The following DENND5A variants were observed in gnomAD, a reference collection of about 807,000 sequenced individuals.
DENND5A encodes the protein DENN domain containing 5A, also known as DENN domain-containing protein 5A.
In DENND5A, 64 loss-of-function variants were observed where a neutral mutation model predicts 140.3. The ratio of observed to expected loss-of-function variants is 0.46; its 90% CI spans 0.37 to 0.56. The LOEUF is 0.56. Ranked by LOEUF, DENND5A falls within the 20% of genes least tolerant of loss-of-function variation. DENND5A has a pLI of 0.00. For missense variants in DENND5A, 1,292 were observed against 1,593.8 expected, an observed-to-expected ratio of 0.81 and a Z score of 3.22; for synonymous variants, 605 against 607.7, an observed-to-expected ratio of 1.00 and a Z score of 0.07.
rs1554922659 is a variant in DENND5A, at chr11:9,193,655, C to A, written c.976G>T (p.Glu326Ter). 6.2e-7 allele frequency: 1 copy of A among 1,613,322 alleles called. No homozygotes were observed. The highest frequency in any genetic ancestry group is 8.5e-7 in the Non-Finnish European group (1 of 1,179,676). Reference sequence around the variant, plus strand: ...GGAAACATGAGAGCTGTAATCGTCTCCGCCACAGTCATCAGTCTCTGGTAA... The same window carrying A: ...GGAAACATGAGAGCTGTAATCGTCTACGCCACAGTCATCAGTCTCTGGTAA... ...QHYQRLMTVA[E>*]TITALMFPFQ... Residue 326 changes from glutamate to a stop codon, truncating the protein, a stop_gained, in exon 5 of 23, where the codon GAG (glutamate) becomes TAG (stop). Transcript: ENST00000328194. LOFTEE classifies it high-confidence loss of function.
At position 9,158,516 on chromosome 11, in the gene DENND5A, C is replaced by A. The variant is rs142860716; in HGVS notation, c.2436+2197G>T. Among the ~76,000 whole-genome samples, 404 of 152,050 alleles carry A rather than the reference C, an allele frequency of 2.7e-3. 2 individuals are homozygous for A. The highest frequency in any genetic ancestry group is 8.8e-3 in the African/African-American group (364 of 41,466). ...TGAGCAGAGATCATGCTAGTGCACTCCAGCCTGGGCAACAAAGCAAGATGC... is the reference window on the plus strand; with the variant it reads ...TGAGCAGAGATCATGCTAGTGCACTACAGCCTGGGCAACAAAGCAAGATGC... On this transcript the variant is annotated intron_variant, in intron 12 of 22. Transcript: ENST00000328194.
At chr11:9,212,580 C>T (rs1024135174) in intron 1 of DENND5A, among the ~76,000 whole-genome samples, 12 of 152,074 alleles carry the variant, frequency 7.9e-5, no homozygotes, top group African/African-American at 2.7e-4. Context: ...ATTACTACTG[C>T]CTTCTCATCA....
At chr11:9,167,999 A>G (rs1220056201) in intron 10 of DENND5A, among the ~76,000 whole-genome samples, 1 of 151,848 alleles carries the variant, frequency 6.6e-6, no homozygotes, top group Non-Finnish European at 1.5e-5. Context: ...TTATCTTTCT[A>G]TCTGATTTTG....
At position 9,139,978 on chromosome 11, in the gene DENND5A, C is replaced by G. The variant is rs545881047; in HGVS notation, c.3681-124G>C. ...GAAGCTGGAGAAGCTGACAGCCCCCCACACCCCCCTTTCCCAAACAGGGAC... is the reference window on the plus strand; with the variant it reads ...GAAGCTGGAGAAGCTGACAGCCCCCGACACCCCCCTTTCCCAAACAGGGAC... On this transcript the variant is annotated intron_variant, in intron 22 of 22. Transcript: ENST00000328194. 5.5e-4 allele frequency: 580 copies of G among 1,062,640 alleles called. 6 individuals carry two copies. The South Asian group carries it at 7.8e-3, about 14-fold the overall frequency. The allele number at this position is 1,062,640 out of a possible 1,614,324, so 65.8% of individuals were successfully genotyped here. A position where few individuals can be genotyped will look rare whatever the true frequency, so the allele number is the denominator to read the frequency against.
intron 1 of DENND5A, among the ~76,000 whole-genome samples, chr11:9,210,552 T>C (rs1019711317): frequency 3.3e-5 from 5 of 152,194 alleles, no homozygotes; most frequent in Admixed American, 6.5e-5. Flanking sequence ...TTTGTTGTTG[T>C]TGTTGTTTTG....
chr11:9,260,030 A>C (rs1377592572), intron 1 of DENND5A, among the ~76,000 whole-genome samples: 1 of 11,886 alleles, frequency 8.4e-5, no homozygotes, highest in African/African-American at 1.9e-4. Context: ...TCCATCTCAA[A>C]AAAAAAAAAA....
intron 14 of DENND5A, among the ~76,000 whole-genome samples, 186 bp from the exon 15 acceptor site, chr11:9,150,395 G>C (rs1425763192): frequency 6.6e-6 from 1 of 152,072 alleles, no homozygotes; most frequent in Non-Finnish European, 1.5e-5. Context: ...ACCATATTTT[G>C]GGAGGAAAAA....
chr11:9,169,172 C>T (rs544573172), intron 10 of DENND5A, among the ~76,000 whole-genome samples: 26 of 152,250 alleles, frequency 1.7e-4, no homozygotes, highest in Non-Finnish European at 3.2e-4. Flanking sequence ...CTGGGCTGGG[C>T]GCAGTAGCTC....
intron 1 of DENND5A, among the ~76,000 whole-genome samples, chr11:9,249,692 C>A (rs192720976): frequency 9.1e-4 from 139 of 152,136 alleles, no homozygotes; most frequent in Non-Finnish European, 1.7e-3. Context: ...GGATTACAGG[C>A]GCCCACCACC....
rs200690022 is a variant in DENND5A, at chr11:9,174,198, C to T, written c.1907-3421G>A. ...AAAAAGAAGAAAAGGGAACAAAGAA[C>T]AGATGGGACAAATAGAAAACAAACA... On this transcript the variant is annotated intron_variant, in intron 8 of 22. Coordinates refer to ENST00000328194, the MANE Select transcript of DENND5A (RefSeq NM_015213.4). 3.0e-5 allele frequency among the ~76,000 whole-genome samples: 4 copies of T among 135,256 alleles called. No individual in the cohort carries two copies. The East Asian group carries it at 8.8e-4, about 30-fold the overall frequency. 88.7% of individuals were successfully genotyped at this position (135,256 alleles called of 152,430 possible). A position where few individuals can be genotyped will look rare whatever the true frequency, so the allele number is the denominator to read the frequency against.
chr11:9,224,292 T>C (rs1850444246), intron 1 of DENND5A, among the ~76,000 whole-genome samples: 1 of 152,166 alleles, frequency 6.6e-6, no homozygotes, highest in Non-Finnish European at 1.5e-5. Flanking sequence ...CTTGGGGGTC[T>C]AGCATGATTC....
intron 20 of DENND5A, 35 bp downstream of exon 20, chr11:9,143,368 T>C: frequency 1.3e-6 from 2 of 1,547,370 alleles, no homozygotes; most frequent in African/African-American, 1.4e-5. Flanking sequence ...TCTTATTCAA[T>C]GTAAGGCCCT....
At chr11:9,225,743 C>A (rs1850504504) in intron 1 of DENND5A, among the ~76,000 whole-genome samples, 1 of 152,174 alleles carries the variant, frequency 6.6e-6, no homozygotes, top group South Asian at 2.1e-4. Flanking sequence ...GCCTGGGCAA[C>A]AGAGCAAGAC....
At chr11:9,201,889 T>C (rs1849536074) in intron 4 of DENND5A, among the ~76,000 whole-genome samples, 1 of 152,144 alleles carries the variant, frequency 6.6e-6, no homozygotes, top group African/African-American at 2.4e-5. Context: ...ACATGTTAAT[T>C]ACCAAGGGAA....
chr11:9,263,951 T>C (rs1038681393), intron 1 of DENND5A, among the ~76,000 whole-genome samples: 1 of 150,816 alleles, frequency 6.6e-6, no homozygotes, highest in African/African-American at 2.4e-5. Context: ...GTCAACAGGA[T>C]AATCACTTTC....
In DENND5A at chr11:9,229,725, A is replaced by C. The variant is rs1024276588; in HGVS notation, c.110-22093T>G. 2.0e-5 allele frequency among the ~76,000 whole-genome samples: 3 copies of C among 151,992 alleles called. No homozygotes were observed. The East Asian group carries it at 5.8e-4, about 29-fold the overall frequency. The stretch of plus-strand genomic sequence containing the variant: ...CTGCACAGAGTCCAAGAAGAATCTG[A>C]ACAGACAGGCCTTGCTGGGTCCCCC... On this transcript the variant is annotated intron_variant, in intron 1 of 22. Coordinates refer to ENST00000328194, the MANE Select transcript of DENND5A (RefSeq NM_015213.4).
At chr11:9,156,762 A>G (rs1030810604) in intron 12 of DENND5A, among the ~76,000 whole-genome samples, 6 of 151,678 alleles carry the variant, frequency 4.0e-5, no homozygotes, top group Non-Finnish European at 8.8e-5. Context: ...AGATCATACC[A>G]CTGCACTCCA....
At chr11:9,240,254 C>T (rs148743266) in intron 1 of DENND5A, among the ~76,000 whole-genome samples, 4,366 of 151,896 alleles carry the variant, frequency 0.029, 190 homozygotes, top group African/African-American at 0.099. Context: ...ATTAACCAGG[C>T]GTTGTGGTGA....
chr11:9,237,739 C>T (rs371184895), intron 1 of DENND5A, among the ~76,000 whole-genome samples: 3 of 151,744 alleles, frequency 2.0e-5, no homozygotes, highest in Non-Finnish European at 4.4e-5. Flanking sequence ...AAAAATTAGC[C>T]GGGCGTGGTG....
Sources: gnomAD v4.1 joint callset for allele counts (sites outside exome capture counted in the v4.1 genomes callset) on GRCh38, gnomAD v4.1.1 for gene constraint, MANE v1.5 for transcripts, NCBI Gene and HGNC (gene_info 2026-07-23, HGNC 2026-07-21) for gene names.